The following ANKRD31 variants were observed in gnomAD, a reference collection of about 807,000 sequenced individuals.
ANKRD31 encodes ankyrin repeat domain 31, also known as ankyrin repeat domain-containing protein 31.
In ANKRD31, 147 loss-of-function variants were observed where a neutral mutation model predicts 186.0. The ratio of observed to expected loss-of-function variants is 0.79; its 90% CI spans 0.69 to 0.91. ANKRD31 has a LOEUF of 0.91. Among genes scored for constraint, ANKRD31 ranks in the 40% least tolerant of loss-of-function variants. The pLI is 0.00. For missense variants in ANKRD31, 1,986 were observed against 2,148.8 expected, an observed-to-expected ratio of 0.92 and a Z score of 1.50; for synonymous variants, 673 against 736.4, an observed-to-expected ratio of 0.91 and a Z score of 1.39.
Position 75,105,057 on chromosome 5 carries a change from C to T in ANKRD31, c.4502G>A (p.Arg1501Lys). The T allele has an allele frequency of 6.5e-7, 1 of 1,536,780 alleles. No homozygotes were observed. Among genetic ancestry groups the T allele is most frequent in the Non-Finnish European group, 8.7e-7 (1 of 1,146,782 alleles). Reference protein sequence around the residue: ...NVTSLPCLSLRKLPPRSEISS... With the variant: ...NVTSLPCLSLKKLPPRSEISS... ...GATTTCTGATCTGGGTGGGAGCTTC[C>T]TTAAACTAAGACAAGGCAATGATGT... The change falls in exon 22 of 26, where the codon AGG becomes AAG. Residue 1501 changes from arginine (R) to lysine (K), a missense_variant. Arg to Lys is a conservative substitution (Grantham distance 26, BLOSUM62 2). Coordinates refer to ENST00000506364, the MANE Select transcript of ANKRD31 (RefSeq NM_001372053.1).
intron 11 of ANKRD31, among the ~76,000 whole-genome samples, chr5:75,167,008 C>G (rs1302273594): frequency 2.0e-5 from 3 of 151,774 alleles, no homozygotes; most frequent in Non-Finnish European, 2.9e-5. Context: ...GTTGTATAAC[C>G]CTCACCACAA....
intron 4 of ANKRD31, among the ~76,000 whole-genome samples, chr5:75,207,244 T>G (rs143722845): frequency 6.6e-6 from 1 of 152,264 alleles, no homozygotes; most frequent in East Asian, 1.9e-4. Context: ...AAAACAGAAG[T>G]GATCAGTATA....
At chr5:75,223,250 C>T (rs1328534047) in intron 2 of ANKRD31, among the ~76,000 whole-genome samples, 1 of 151,900 alleles carries the variant, frequency 6.6e-6, no homozygotes, top group Admixed American at 6.6e-5. Context: ...TTAACTGCCA[C>T]TTTTATGTGT....
At chr5:75,077,990 T>C (rs893527040) in intron 25 of ANKRD31, among the ~76,000 whole-genome samples, 1 of 115,866 alleles carries the variant, frequency 8.6e-6, no homozygotes, top group Non-Finnish European at 1.9e-5. Context: ...GTATACAAAA[T>C]AACATAGCAG....
chr5:75,081,553 A>T (rs1745078494), intron 24 of ANKRD31, among the ~76,000 whole-genome samples: 1 of 152,190 alleles, frequency 6.6e-6, no homozygotes, highest in Admixed American at 6.5e-5. Flanking sequence ...AAATCTGAGG[A>T]ACAGATGACC....
At chr5:75,102,286 C>T (rs955055158) in intron 22 of ANKRD31, among the ~76,000 whole-genome samples, 2 of 152,216 alleles carry the variant, frequency 1.3e-5, no homozygotes, top group Admixed American at 6.5e-5. Context: ...CTGATCCTTC[C>T]TCTGGAAGCT....
rs138497440 is a variant in ANKRD31 at position 75,162,493 on chromosome 5, C to A, written c.1707+6486G>T. ...TAGGTGGAAGGGACTTGTCTTGTCTCAGATGAGACTTCGGACTGTGGACTT... is the reference window on the plus strand; with the variant it reads ...TAGGTGGAAGGGACTTGTCTTGTCTAAGATGAGACTTCGGACTGTGGACTT... On this transcript the variant is annotated intron_variant, in intron 11 of 25. Transcript: ENST00000506364. Among the ~76,000 whole-genome samples the A allele has an allele frequency of 9.9e-4, 151 of 152,308 alleles. 3 individuals are homozygous for A. In the East Asian group the frequency reaches 0.026, roughly 27 times the overall value.
intron 17 of ANKRD31, among the ~76,000 whole-genome samples, chr5:75,128,670 A>AT (rs11334083): frequency 0.034 from 4,694 of 138,166 alleles, 67 homozygotes; most frequent in Middle Eastern, 0.048. Context: ...TTCCCAGCTA[A>AT]TTTTTTTTTT....
chr5:75,088,753 A>T (rs557948743), intron 23 of ANKRD31, among the ~76,000 whole-genome samples: 1 of 152,290 alleles, frequency 6.6e-6, no homozygotes, highest in African/African-American at 2.4e-5. Flanking sequence ...TAACTTCCCA[A>T]ACCTTTGTTT....
At chr5:75,118,842 A>C (rs1305470795) in intron 17 of ANKRD31, among the ~76,000 whole-genome samples, 1 of 152,156 alleles carries the variant, frequency 6.6e-6, no homozygotes, top group Non-Finnish European at 1.5e-5. Flanking sequence ...GATTTAATTT[A>C]TCTCTCTAAC....
chr5:75,190,992 ATTTTATCATTCTTTAAAAGAAT>A (rs1175562050), intron 9 of ANKRD31, among the ~76,000 whole-genome samples: 1 of 152,116 alleles, frequency 6.6e-6, no homozygotes, highest in East Asian at 1.9e-4. Flanking sequence ...TATGTAGTTA[ATTTTATCATTCTTTAAAAGAAT>A]TTTTATCATT....
intron 2 of ANKRD31, among the ~76,000 whole-genome samples, chr5:75,226,087 G>A (rs375546308): frequency 2.5e-4 from 38 of 152,200 alleles, no homozygotes; most frequent in African/African-American, 8.9e-4. Flanking sequence ...ATGGAAACGG[G>A]AAGGAACGGT....
intron 11 of ANKRD31, among the ~76,000 whole-genome samples, chr5:75,155,713 C>G (rs777518898): frequency 1.1e-4 from 16 of 152,112 alleles, no homozygotes; most frequent in Non-Finnish European, 1.8e-4. Context: ...ATATAAATTT[C>G]TATCCAGTGT....
At chr5:75,211,921 A>G (rs1428710829) in intron 3 of ANKRD31, among the ~76,000 whole-genome samples, 1 of 152,022 alleles carries the variant, frequency 6.6e-6, no homozygotes, top group Admixed American at 6.6e-5. Context: ...CTCCCATTCC[A>G]TAAGATGCTT....
chr5:75,193,488 T>C lies in ANKRD31; in HGVS notation c.1121A>G (p.Asn374Ser), dbSNP rs1265491511. 17 of 1,537,342 alleles carry C rather than the reference T, an allele frequency of 1.1e-5. No homozygotes were observed. Among genetic ancestry groups the C allele is most frequent in the Non-Finnish European group, 1.5e-5 (17 of 1,146,798 alleles). Residue 374 changes from asparagine (N) to serine (S), a missense_variant, in exon 8 of 26, where the codon AAT becomes AGT. Transcript: ENST00000506364. ...ACACGCAGTTTCCTGATCAGAGCTA[T>C]TTGTCACTGAATTTGAATTTCTCTT... is the stretch of plus-strand genomic sequence containing the variant. ...SNKRNSNSVT[N>S]SSDQETACVL...
chr5:75,236,844 C>T lies in ANKRD31; in HGVS notation c.-158G>A, dbSNP rs1758303176. The T allele has an allele frequency of 5.2e-6, 3 of 581,086 alleles. No homozygotes were observed. The highest frequency in any genetic ancestry group is 3.9e-5 in the Admixed American group (1 of 25,632). 36.0% of individuals were successfully genotyped at this position (581,086 alleles called of 1,614,324 possible). A position where few individuals can be genotyped will look rare whatever the true frequency, so the allele number is the denominator to read the frequency against. On this transcript the variant is annotated 5_prime_UTR_variant, in exon 1 of 26. Coordinates refer to ENST00000506364, the MANE Select transcript of ANKRD31 (RefSeq NM_001372053.1). ...CTTGTCGCAGGGCTGCTGAGGAGGA[C>T]GCAGGCGGCCGCGAGCGCGGCGGGG...
At chr5:75,182,060 A>T (rs1189376215) in intron 10 of ANKRD31, among the ~76,000 whole-genome samples, 2 of 152,178 alleles carry the variant, frequency 1.3e-5, no homozygotes, top group Non-Finnish European at 2.9e-5. Context: ...GATAAAATAA[A>T]TATGTAGAAT....
At chr5:75,130,268 T>C (rs1749665946) in intron 17 of ANKRD31, among the ~76,000 whole-genome samples, 1 of 152,212 alleles carries the variant, frequency 6.6e-6, no homozygotes. Flanking sequence ...CCATGAGTGT[T>C]ACAGCTCATT....
intron 9 of ANKRD31, among the ~76,000 whole-genome samples, chr5:75,189,323 A>T (rs946167288): frequency 6.6e-6 from 1 of 152,182 alleles, no homozygotes; most frequent in African/African-American, 2.4e-5. Context: ...ACATGTTTCA[A>T]ATCCTGTCAG....
Sources: allele counts gnomAD v4.1 joint callset (sites outside exome capture counted in the v4.1 genomes callset), GRCh38; gene constraint gnomAD v4.1.1; transcripts MANE v1.5; gene names NCBI Gene and HGNC (gene_info 2026-07-23, HGNC 2026-07-21).